The following FAM135B variants were observed in gnomAD, a reference collection of about 807,000 sequenced individuals.
FAM135B encodes the protein family with sequence similarity 135 member B.
Under a neutral mutation model 127.7 loss-of-function variants are expected in FAM135B, and 43 were observed. The ratio of observed to expected loss-of-function variants is 0.34; its 90% CI spans 0.26 to 0.43. FAM135B has a LOEUF of 0.43. Ranked by LOEUF, FAM135B falls within the 20% of genes least tolerant of loss-of-function variation. The pLI, the probability that FAM135B is intolerant of heterozygous loss-of-function variation, is 1.00. For missense variants in FAM135B, 1,558 were observed against 1,725.6 expected (o/e 0.90, Z 1.72); for synonymous variants, 670 against 665.1 (o/e 1.01, Z -0.11).
chr8:138,320,729 A>G (rs569300628), intron 2 of FAM135B, among the ~76,000 whole-genome samples: 2 of 152,316 alleles, frequency 1.3e-5, no homozygotes, highest in South Asian at 4.1e-4. Flanking sequence ...ATCCCCAGAA[A>G]CTAAAAGAGG....
rs566013073 is a variant in FAM135B at position 138,375,219 on chromosome 8, CAAGAAATCACTTCTGAG to C, written c.-19-7234_-19-7218del. Among the ~76,000 whole-genome samples, 10 of 150,878 alleles carry C rather than the reference CAAGAAATCACTTCTGAG, an allele frequency of 6.6e-5. No homozygotes were observed. In the South Asian group the frequency reaches 2.1e-3, roughly 32 times the overall value. On this transcript the variant is annotated intron_variant, in intron 1 of 19. Coordinates refer to ENST00000395297, the MANE Select transcript of FAM135B (RefSeq NM_015912.4). ...CCCCATTTGTGTGGCCGAAAGAGGA[CAAGAAATCACTTCTGAG>C]AAGAAATATGAGCTGATTGTTTTGT...
chr8:138,335,830 T>C (rs577455699), intron 2 of FAM135B, among the ~76,000 whole-genome samples: 33 of 152,282 alleles, frequency 2.2e-4, no homozygotes, highest in Middle Eastern at 3.4e-3. Context: ...ACCACACTTA[T>C]TCCAAAATTG....
At chr8:138,415,420 C>T (rs1274065219) in intron 1 of FAM135B, among the ~76,000 whole-genome samples, 1 of 152,126 alleles carries the variant, frequency 6.6e-6, no homozygotes, top group Non-Finnish European at 1.5e-5. Context: ...GTTTAGCTCT[C>T]GTGGTGACAA....
At position 138,496,986 on chromosome 8, in the gene FAM135B, G is replaced by T. The variant is rs1815423755; in HGVS notation, c.-335C>A. ...GCCTCCGGGCAGCCCCAGCGAGCAG[G>T]CGCCAGGACGCGAGGCTGTCAGCGC... On this transcript the variant is annotated 5_prime_UTR_variant, in exon 1 of 20. Transcript: ENST00000395297. Among the ~76,000 whole-genome samples, 1 of 152,100 alleles carries T rather than the reference G, an allele frequency of 6.6e-6. No individual in the cohort carries two copies. Among genetic ancestry groups the T allele is most frequent in the East Asian group, 2.0e-4 (1 of 5,122 alleles).
intron 1 of FAM135B, among the ~76,000 whole-genome samples, chr8:138,496,178 C>T (rs1815384513): frequency 6.6e-6 from 1 of 152,216 alleles, no homozygotes; most frequent in African/African-American, 2.4e-5. Flanking sequence ...AGATCAAGAG[C>T]TGGTCCCTTT....
chr8:138,164,230 G>A (rs1294038382), intron 12 of FAM135B, among the ~76,000 whole-genome samples: 1 of 152,132 alleles, frequency 6.6e-6, no homozygotes, highest in Non-Finnish European at 1.5e-5. Flanking sequence ...TTCCAGTATG[G>A]AGAAGGGGTA....
intron 11 of FAM135B, among the ~76,000 whole-genome samples, chr8:138,169,354 GTTC>G (rs1238223197): frequency 6.6e-6 from 1 of 151,504 alleles, no homozygotes; most frequent in Admixed American, 6.6e-5. Flanking sequence ...CTCTTTAAAT[GTTC>G]TTCTCTGAAT....
intron 1 of FAM135B, among the ~76,000 whole-genome samples, chr8:138,374,323 G>A (rs897883807): frequency 2.0e-5 from 3 of 152,196 alleles, no homozygotes; most frequent in Non-Finnish European, 2.9e-5. Context: ...GGATGATACA[G>A]AATGGTAACT....
intron 12 of FAM135B, among the ~76,000 whole-genome samples, chr8:138,158,000 A>C (rs1190799761): frequency 6.6e-6 from 1 of 152,214 alleles, no homozygotes; most frequent in Non-Finnish European, 1.5e-5. Flanking sequence ...AGTCAATCCT[A>C]AGACAAAAGA....
intron 2 of FAM135B, among the ~76,000 whole-genome samples, chr8:138,360,568 C>A (rs1017391427): frequency 6.6e-6 from 1 of 152,164 alleles, no homozygotes; most frequent in African/African-American, 2.4e-5. Flanking sequence ...GTCTCATTTT[C>A]TTTATAATAA....
At chr8:138,181,738 CAG>C (rs1407817039) in intron 9 of FAM135B, among the ~76,000 whole-genome samples, 2 of 151,832 alleles carry the variant, frequency 1.3e-5, no homozygotes, top group Non-Finnish European at 2.9e-5. Context: ...GTTTTAAATT[CAG>C]AGAGTCCACA....
chr8:138,173,783 T>C lies in FAM135B; in HGVS notation c.1103+3564A>G, dbSNP rs148777808. Among the ~76,000 whole-genome samples, 748 of 152,360 alleles carry C rather than the reference T, an allele frequency of 4.9e-3. 2 individuals are homozygous for C. Among genetic ancestry groups the C allele is most frequent in the African/African-American group, 0.014 (597 of 41,590 alleles). ...GAGTGATATCTCATTACTATTGTTA[T>C]GAAAATGAATACATCGGTGTAGACC... On this transcript the variant is annotated intron_variant, in intron 11 of 19. Transcript: ENST00000395297.
intron 4 of FAM135B, among the ~76,000 whole-genome samples, chr8:138,257,584 G>A (rs998997144): frequency 2.6e-5 from 4 of 151,976 alleles, no homozygotes; most frequent in South Asian, 2.1e-4. Flanking sequence ...TCAACCCAGC[G>A]TCAGTTCTGC....
Position 138,167,652 on chromosome 8 carries a change from C to G in FAM135B, c.1258+243G>C, listed in dbSNP as rs74400766. ...TGCAGGTGAAAACGCTGAAGCACTA[C>G]GTATAATTCCACTCCAGAAGGAGTC... On this transcript the variant is annotated intron_variant, in intron 12 of 19. Transcript: ENST00000395297. Among the ~76,000 whole-genome samples, 20 of 152,268 alleles carry G rather than the reference C, an allele frequency of 1.3e-4. No individual in the cohort carries two copies. The South Asian group carries it at 2.5e-3, about 19-fold the overall frequency.
chr8:138,404,583 C>A (rs945058450), intron 1 of FAM135B, among the ~76,000 whole-genome samples: 1 of 152,136 alleles, frequency 6.6e-6, no homozygotes, highest in Non-Finnish European at 1.5e-5. Context: ...AGAGTAAATC[C>A]TCCCAAATCC....
chr8:138,334,191 G>C (rs1432165239), intron 2 of FAM135B, among the ~76,000 whole-genome samples: 1 of 152,106 alleles, frequency 6.6e-6, no homozygotes, highest in East Asian at 1.9e-4. Context: ...CCAAAGTGCT[G>C]GGATTACAGG....
rs550332044 is a variant in FAM135B, at chr8:138,243,014, T to A, written c.597A>T (p.Gly199=). ...SWLGKGGPDT[G]QEQSIISLEN... is the part of the protein sequence containing the mutation. ...CCAGAGAAATGATAGACTGTTCTTG[T>A]CCGGTGTCTGGGCCACCTTTACCAA... Residue 199 remains glycine, a synonymous_variant, in exon 7 of 20, where the codon GGA becomes GGT. Transcript: ENST00000395297. The surrounding 1 kb of genome is among the most constrained non-coding windows in gnomAD (Gnocchi z 7.5). 1 of 1,613,938 alleles carries A rather than the reference T, an allele frequency of 6.2e-7. No individual in the cohort carries two copies. Among genetic ancestry groups the A allele is most frequent in the African/African-American group, 1.3e-5 (1 of 75,030 alleles).
intron 1 of FAM135B, among the ~76,000 whole-genome samples, chr8:138,394,623 A>T (rs1018371879): frequency 1.3e-5 from 2 of 152,164 alleles, no homozygotes; most frequent in Admixed American, 1.3e-4. Context: ...GACCTTGGTG[A>T]TCTGACTTCC....
At chr8:138,457,883 A>T (rs1836883816) in intron 1 of FAM135B, among the ~76,000 whole-genome samples, 1 of 151,712 alleles carries the variant, frequency 6.6e-6, no homozygotes, top group South Asian at 2.1e-4. Flanking sequence ...AGGCTGCGGC[A>T]GGAGAATCAC....
Sources: gnomAD v4.1 joint callset for allele counts (sites outside exome capture counted in the v4.1 genomes callset) on GRCh38, gnomAD v4.1.1 for gene constraint, Gnocchi (gnomAD v3.1) non-coding constraint, MANE v1.5 for transcripts, NCBI Gene and HGNC (gene_info 2026-07-23, HGNC 2026-07-21) for gene names.